CAPN14: variants seen among roughly 807,000 people sequenced by gnomAD.
The protein encoded by CAPN14 is calpain-14.
Under a neutral mutation model 101.3 loss-of-function variants are expected in CAPN14, and 94 were observed. The ratio of observed to expected loss-of-function variants is 0.93; its 90% CI spans 0.79 to 1.10. The LOEUF (loss-of-function observed/expected upper bound fraction) is 1.10, where lower values mean the gene tolerates loss of function less well. Ranked by LOEUF, CAPN14 falls within the 50% of genes least tolerant of loss-of-function variation. CAPN14 has a pLI of 0.00. For synonymous variants in CAPN14, 338 were observed against 317.9 expected, an observed-to-expected ratio of 1.06 and a Z score of -0.67; for missense variants, 837 against 828.4, an observed-to-expected ratio of 1.01 and a Z score of -0.13.
At chr2:31,197,496 T>A (rs75455677) in intron 7 of CAPN14, among the ~76,000 whole-genome samples, 162 bp from the exon 8 acceptor site, 1 of 152,226 alleles carries the variant, frequency 6.6e-6, no homozygotes, top group African/African-American at 2.4e-5. Flanking sequence ...ACTTACAAGC[T>A]GTGAGACCTA....
upstream of CAPN14, chr2:31,217,671 C>T (rs544003255): frequency 6.6e-6 from 1 of 152,462 alleles, no homozygotes; most frequent in East Asian, 1.9e-4. Context: ...GACTGGATTA[C>T]ACAAATCCAA....
chr2:31,208,025 G>A (rs375851939), intron 1 of CAPN14, among the ~76,000 whole-genome samples: 336 of 152,228 alleles, frequency 2.2e-3, no homozygotes, highest in African/African-American at 7.7e-3. Flanking sequence ...ACCTCTGAGA[G>A]CTGAGGGCAG....
At chr2:31,196,797 T>C (rs1160865136) in intron 8 of CAPN14, among the ~76,000 whole-genome samples, 3 of 152,206 alleles carry the variant, frequency 2.0e-5, no homozygotes, top group African/African-American at 7.2e-5. Context: ...AATCCAAATC[T>C]GTCTACCTTT....
At position 31,197,337 on chromosome 2, in the gene CAPN14, G is replaced by A. The variant is rs1161251930; in HGVS notation, c.790-3C>T. On this transcript the variant is annotated splice_region_variant and splice_polypyrimidine_tract_variant and intron_variant, in intron 7 of 21. Coordinates refer to ENST00000403897, the MANE Select transcript of CAPN14 (RefSeq NM_001145122.2). ...TCAGGTCTATGTTTGCAGGTCACCT[G>A]CATAAAATGAGAGGCAGTTTAGGTG... The A allele has an allele frequency of 6.5e-7, 1 of 1,546,706 alleles. No homozygotes were observed. Among genetic ancestry groups the A allele is most frequent in the Non-Finnish European group, 8.8e-7 (1 of 1,142,386 alleles).
In CAPN14 at chr2:31,173,837, C is replaced by CA. The variant is rs1434530391; in HGVS notation, c.*843dup. The CA allele has an allele frequency of 2.6e-5, 4 of 152,038 alleles. No individual in the cohort carries two copies. Among genetic ancestry groups the CA allele is most frequent in the Non-Finnish European group, 5.9e-5 (4 of 68,004 alleles). The allele number at this position is 152,038 out of a possible 1,614,324, so 9.4% of individuals were successfully genotyped here. On this transcript the variant is annotated 3_prime_UTR_variant, in exon 22 of 22. Transcript: ENST00000403897. ...ATAAACAAGGTGTTTCATGGTAGTT[C>CA]AAAAAATCAGATATACCAACCACCC...
chr2:31,213,168 A>G (rs4952062), intron 1 of CAPN14, among the ~76,000 whole-genome samples: 104,800 of 152,054 alleles, frequency 0.69, 36,501 homozygotes, highest in East Asian at 0.96. Context: ...AAGGCAAGTG[A>G]GTTTGCCACC....
intron 2 of CAPN14, among the ~76,000 whole-genome samples, chr2:31,204,202 T>C (rs1681951308): frequency 6.6e-6 from 1 of 152,158 alleles, no homozygotes; most frequent in South Asian, 2.1e-4. Context: ...CTTAGACCAT[T>C]CTCAAAATCA....
At chr2:31,185,896 A>C (rs1431921124) in intron 16 of CAPN14, among the ~76,000 whole-genome samples, 1 of 152,192 alleles carries the variant, frequency 6.6e-6, no homozygotes, top group African/African-American at 2.4e-5. Context: ...TATGTATAAA[A>C]TATTTTATAT....
At position 31,194,468 on chromosome 2, in the gene CAPN14, C is replaced by T; in HGVS notation, c.891G>A (p.Glu297=). The part of the protein sequence containing the change: ...GDWSDSSSKW[E]LLSPKEKILL... ...GAATCTTCTCCTTGGGGCTCAGCAG[C>T]TCCCATTTACTTGAACTGAAAATAG... is the stretch of plus-strand genomic sequence containing the variant. Residue 297 remains glutamate (E), a synonymous_variant, in exon 9 of 22, where the codon GAG becomes GAA. Coordinates refer to ENST00000403897, the MANE Select transcript of CAPN14 (RefSeq NM_001145122.2). 1 of 1,551,242 alleles carries T rather than the reference C, an allele frequency of 6.4e-7. No homozygotes were observed. The highest frequency in any genetic ancestry group is 1.2e-5 in the South Asian group (1 of 84,056).
intron 3 of CAPN14, among the ~76,000 whole-genome samples, chr2:31,202,723 A>G (rs758494585): frequency 1.3e-5 from 2 of 152,114 alleles, no homozygotes; most frequent in African/African-American, 2.4e-5. Context: ...CTTTGATCCT[A>G]TTCTGGCGAG....
intron 12 of CAPN14, among the ~76,000 whole-genome samples, chr2:31,189,986 A>G (rs1572402654): frequency 6.6e-6 from 1 of 152,202 alleles, no homozygotes; most frequent in Non-Finnish European, 1.5e-5. Context: ...CACCTACACC[A>G]CACAGCTACA....
Position 31,205,342 on chromosome 2 carries a change from C to G in CAPN14, c.106G>C (p.Glu36Gln). 1 of 1,551,350 alleles carries G rather than the reference C, an allele frequency of 6.4e-7. No individual in the cohort carries two copies. Among genetic ancestry groups the G allele is most frequent in the Non-Finnish European group, 8.7e-7 (1 of 1,146,982 alleles). Residue 36 changes from glutamate to glutamine, a missense_variant, in exon 2 of 22, where the codon GAG becomes CAG. Transcript: ENST00000403897. ...AAGAGGCAGCCATTCCTCAGGCACT[C>G]TGCCAGCAGGGCCTCAAAGTCCTGT... ...PQQDFEALLA[E>Q]CLRNGCLFED... is the part of the protein sequence containing the mutation.
intron 2 of CAPN14, among the ~76,000 whole-genome samples, chr2:31,222,837 C>T (rs1467524746): frequency 6.6e-6 from 1 of 152,128 alleles, no homozygotes; most frequent in Admixed American, 6.5e-5. Context: ...ATCCTGACCC[C>T]CAGTGTGATC....
At chr2:31,205,527 C>T (rs1456441187) in intron 1 of CAPN14, 28 bp from the exon 2 acceptor site, 16 of 1,136,352 alleles carry the variant, frequency 1.4e-5, no homozygotes, top group Non-Finnish European at 2.1e-5. Flanking sequence ...CGGTCAGTTT[C>T]CTCACTTCCT....
chr2:31,228,989 T>C (rs947407618), intron 1 of CAPN14, among the ~76,000 whole-genome samples: 12 of 152,182 alleles, frequency 7.9e-5, no homozygotes, highest in African/African-American at 2.9e-4. Context: ...TGGAGCCAGA[T>C]GGGGCTGAAA....
chr2:31,211,635 T>C (rs970787468), intron 1 of CAPN14, among the ~76,000 whole-genome samples: 22 of 150,536 alleles, frequency 1.5e-4, no homozygotes, highest in African/African-American at 5.1e-4. Context: ...ATATAGATCA[T>C]GGCCCCAATA....
intron 8 of CAPN14, among the ~76,000 whole-genome samples, chr2:31,196,288 C>T (rs1247433490): frequency 6.6e-6 from 1 of 152,144 alleles, no homozygotes; most frequent in Non-Finnish European, 1.5e-5. Context: ...TAATTGTACC[C>T]ATCATCTATC....
exon 2 of CAPN14, chr2:31,226,587 T>C (rs986896904): frequency 2.0e-5 from 3 of 152,412 alleles, no homozygotes; most frequent in East Asian, 3.9e-4. Flanking sequence ...CATGGATTTT[T>C]CTGCTTTTGG....
chr2:31,228,117 C>G (rs1683081193), intron 1 of CAPN14, among the ~76,000 whole-genome samples: 1 of 152,208 alleles, frequency 6.6e-6, no homozygotes, highest in Non-Finnish European at 1.5e-5. Flanking sequence ...AGGCAGGTCA[C>G]CAGGATGCAA....
Sources: allele counts gnomAD v4.1 joint callset (sites outside exome capture counted in the v4.1 genomes callset), GRCh38; gene constraint gnomAD v4.1.1; transcripts MANE v1.5; gene names NCBI Gene and HGNC (gene_info 2026-07-23, HGNC 2026-07-21).